MTA3: variants seen among roughly 807,000 people sequenced by gnomAD.
MTA3 encodes the protein metastasis associated 1 family member 3.
Under a neutral mutation model 83.5 loss-of-function variants are expected in MTA3, and 34 were observed. The observed-to-expected ratio is 0.41, with a 90% CI of 0.31 to 0.54. The LOEUF (loss-of-function observed/expected upper bound fraction) is 0.54, where lower values mean the gene tolerates loss of function less well. Ranked by LOEUF, MTA3 falls within the 20% of genes least tolerant of loss-of-function variation. The pLI is 0.33. For synonymous variants in MTA3, 303 were observed against 252.7 expected (o/e 1.20, Z -1.89); for missense variants, 761 against 726.4 (o/e 1.05, Z -0.55).
chr2:42,503,142 A>G (rs1024449360), intron 2 of MTA3, among the ~76,000 whole-genome samples: 11 of 152,236 alleles, frequency 7.2e-5, no homozygotes, highest in African/African-American at 2.4e-4. Flanking sequence ...TAGACAGAGC[A>G]GGTGCTCCCA....
Position 42,646,156 on chromosome 2 carries a change from C to T in MTA3, c.499+1912C>T, listed in dbSNP as rs556169406. On this transcript the variant is annotated intron_variant, in intron 6 of 16. Transcript: ENST00000405094. ...TGGTTTACTGAATATTTTAAGCTCA[C>T]TGTTGAGACCTACTGCTTAGGAAAA... 4.6e-5 allele frequency among the ~76,000 whole-genome samples: 7 copies of T among 152,326 alleles called. No individual in the cohort carries two copies. The South Asian group carries it at 1.5e-3, about 32-fold the overall frequency.
intron 2 of MTA3, among the ~76,000 whole-genome samples, chr2:42,514,576 G>A (rs1384115881): frequency 6.6e-6 from 1 of 151,008 alleles, no homozygotes; most frequent in African/African-American, 2.4e-5. Context: ...TACAGATGGG[G>A]TTTCACCATG....
At chr2:42,663,890 C>T (rs1222376360) in intron 8 of MTA3, among the ~76,000 whole-genome samples, 3 of 152,054 alleles carry the variant, frequency 2.0e-5, no homozygotes, top group African/African-American at 7.2e-5. Flanking sequence ...TTTTGAGGTC[C>T]GATTACTTTT....
chr2:42,559,116 G>A (rs925794329), intron 2 of MTA3, among the ~76,000 whole-genome samples: 1 of 152,116 alleles, frequency 6.6e-6, no homozygotes, highest in Non-Finnish European at 1.5e-5. Flanking sequence ...TGTATCTCTA[G>A]TCTAGGCCTC....
intron 4 of MTA3, 76 bp from the exon 5 acceptor site, chr2:42,640,097 C>G (rs935158857): frequency 9.0e-7 from 1 of 1,115,414 alleles, no homozygotes; most frequent in Non-Finnish European, 1.3e-6. Context: ...GTCTCACATT[C>G]TTAACTTTGT....
At chr2:42,594,707 T>TAC (rs1558472777) in intron 3 of MTA3, among the ~76,000 whole-genome samples, 9 of 31,986 alleles carry the variant, frequency 2.8e-4, no homozygotes, top group Admixed American at 1.5e-3. Flanking sequence ...TAAATATACA[T>TAC]ATATATATAT....
intron 2 of MTA3, among the ~76,000 whole-genome samples, chr2:42,572,074 G>A (rs1159049780): frequency 4.0e-5 from 6 of 151,894 alleles, no homozygotes; most frequent in African/African-American, 9.7e-5. Flanking sequence ...TCAGGAGATC[G>A]AGACCATCCT....
In MTA3 at chr2:42,753,633, T is replaced by G; in HGVS notation, c.*234T>G. The G allele has an allele frequency of 7.4e-7, 1 of 1,343,674 alleles. No homozygotes were observed. Among genetic ancestry groups the G allele is most frequent in the Non-Finnish European group, 9.6e-7 (1 of 1,044,314 alleles). The allele number at this position is 1,343,674 out of a possible 1,614,324, so 83.2% of individuals were successfully genotyped here. On this transcript the variant is annotated 3_prime_UTR_variant, in exon 17 of 17. Coordinates refer to ENST00000405094, the MANE Select transcript of MTA3 (RefSeq NM_001330442.2). ...CGCTTTCTTGTCAGAGACCTCGCTG[T>G]TACGGAGCGAGACCTGCTGAGAATT...
At chr2:42,509,953 A>G (rs1416716115) in intron 2 of MTA3, among the ~76,000 whole-genome samples, 1 of 152,130 alleles carries the variant, frequency 6.6e-6, no homozygotes, top group Non-Finnish European at 1.5e-5. Context: ...GTTTTCTTAA[A>G]TGGTTAGCAT....
chr2:42,525,560 T>G (rs1347228962), intron 2 of MTA3, among the ~76,000 whole-genome samples: 2 of 140,032 alleles, frequency 1.4e-5, no homozygotes, highest in African/African-American at 5.3e-5. Context: ...TCCCCTTACT[T>G]CCTTCCTTTC....
In MTA3 at chr2:42,622,694, G is replaced by T. The variant is rs1453849149; in HGVS notation, c.317+13110G>T. Among the ~76,000 whole-genome samples the T allele has an allele frequency of 6.3e-5, 9 of 142,220 alleles. No individual in the cohort carries two copies. In the East Asian group the frequency reaches 1.4e-3, roughly 23 times the overall value. The allele number at this position is 142,220 out of a possible 152,430, so 93.3% of individuals were successfully genotyped here. A position where few individuals can be genotyped will look rare whatever the true frequency, so the allele number is the denominator to read the frequency against. On this transcript the variant is annotated intron_variant, in intron 4 of 16. Transcript: ENST00000405094. ...TTTTTTTGAAATGGGATCTTGTTTT[G>T]TTGCCCAGGCTGATCTTCAACTCCT...
chr2:42,585,765 T>A (rs1160604250), intron 3 of MTA3, among the ~76,000 whole-genome samples: 1 of 152,062 alleles, frequency 6.6e-6, no homozygotes, highest in Non-Finnish European at 1.5e-5. Flanking sequence ...TGAGCCACTT[T>A]GCGTGGCCCC....
chr2:42,532,995 T>A (rs1470983903), intron 2 of MTA3: 1 of 186,714 alleles, frequency 5.4e-6, no homozygotes, highest in Non-Finnish European at 1.1e-5. Flanking sequence ...GCAAGAACCT[T>A]GCCCTTGTTT....
At chr2:42,652,588 C>T (rs912630985) in intron 6 of MTA3, among the ~76,000 whole-genome samples, 1 of 152,124 alleles carries the variant, frequency 6.6e-6, no homozygotes, top group African/African-American at 2.4e-5. Context: ...TCAAATGATC[C>T]TCCTACCTTG....
chr2:42,643,039 C>CG (rs1687839067), intron 5 of MTA3, among the ~76,000 whole-genome samples: 1 of 145,828 alleles, frequency 6.9e-6, no homozygotes, highest in African/African-American at 2.5e-5. Context: ...GTGTCTCCCC[C>CG]CCCCCCCTTT....
chr2:42,558,199 G>A (rs1486794235), intron 2 of MTA3, among the ~76,000 whole-genome samples: 1 of 147,578 alleles, frequency 6.8e-6, no homozygotes, highest in East Asian at 2.0e-4. Context: ...TACCTGCATA[G>A]TTCTCAATTC....
At chr2:42,655,892 C>T (rs566339099) in intron 6 of MTA3, among the ~76,000 whole-genome samples, 17 of 152,284 alleles carry the variant, frequency 1.1e-4, no homozygotes, top group African/African-American at 3.4e-4. Flanking sequence ...TGCAGGCCAC[C>T]GCACCCAGCC....
intron 9 of MTA3, among the ~76,000 whole-genome samples, chr2:42,690,261 C>T (rs1486090842): frequency 6.6e-6 from 1 of 152,220 alleles, no homozygotes; most frequent in Non-Finnish European, 1.5e-5. Context: ...ACGATGAATT[C>T]AGCTTTGCTT....
At chr2:42,546,970 G>A (rs1362355591) in intron 2 of MTA3, among the ~76,000 whole-genome samples, 1 of 152,208 alleles carries the variant, frequency 6.6e-6, no homozygotes, top group Non-Finnish European at 1.5e-5. Context: ...AAGAAACTGC[G>A]TAGGGAGCTA....
Sources: allele counts gnomAD v4.1 joint callset (sites outside exome capture counted in the v4.1 genomes callset), GRCh38; gene constraint gnomAD v4.1.1; transcripts MANE v1.5; gene names NCBI Gene and HGNC (gene_info 2026-07-23, HGNC 2026-07-21).